The following POFUT3 variants were observed in gnomAD, a reference collection of about 807,000 sequenced individuals.
POFUT3 encodes the protein protein O-fucosyltransferase 3.
At chr8:33,346,741 C>T in the POFUT3 span, among the ~76,000 whole-genome samples, 2 of 151,770 alleles carry the variant, frequency 1.3e-5, no homozygotes, top group Admixed American at 1.3e-4. Flanking sequence ...ATAGAGAATG[C>T]AAAGAAAGAC....
the POFUT3 span, among the ~76,000 whole-genome samples, chr8:33,361,874 G>A: frequency 6.6e-6 from 1 of 151,968 alleles, no homozygotes; most frequent in Non-Finnish European, 1.5e-5. Context: ...ATCGATAGCT[G>A]TGGTTATCTT....
chr8:33,417,154 T>C, the POFUT3 span, among the ~76,000 whole-genome samples: 4 of 152,164 alleles, frequency 2.6e-5, no homozygotes, highest in African/African-American at 9.6e-5. Context: ...AACCCTACTG[T>C]GAACTGCGCA....
At chr8:33,354,868 C>T in the POFUT3 span, among the ~76,000 whole-genome samples, 2 of 152,188 alleles carry the variant, frequency 1.3e-5, no homozygotes, top group African/African-American at 2.4e-5. Flanking sequence ...GGGATGACAT[C>T]ATACGCTATT....
the POFUT3 span, among the ~76,000 whole-genome samples, chr8:33,408,715 T>C: frequency 3.3e-5 from 5 of 152,094 alleles, no homozygotes; most frequent in Non-Finnish European, 7.4e-5. Flanking sequence ...TAGTGTGCAA[T>C]TCAATTTATA....
the POFUT3 span, among the ~76,000 whole-genome samples, chr8:33,413,495 T>C: frequency 6.6e-6 from 1 of 152,158 alleles, no homozygotes; most frequent in Non-Finnish European, 1.5e-5. Context: ...GACTGGACTA[T>C]CCCTACCTCC....
chr8:33,309,685 C>T, the POFUT3 span, among the ~76,000 whole-genome samples: 1 of 152,070 alleles, frequency 6.6e-6, no homozygotes, highest in South Asian at 2.1e-4. Flanking sequence ...TTCCCAGGCG[C>T]TTAGTCAGTA....
the POFUT3 span, among the ~76,000 whole-genome samples, chr8:33,432,567 T>C: frequency 6.6e-6 from 1 of 152,226 alleles, no homozygotes; most frequent in African/African-American, 2.4e-5. Flanking sequence ...AGATTGGTTA[T>C]GTGAATTGTT....
At chr8:33,446,225 G>A in the POFUT3 span, among the ~76,000 whole-genome samples, 1 of 152,126 alleles carries the variant, frequency 6.6e-6, no homozygotes, top group Non-Finnish European at 1.5e-5. Context: ...GGGAGGCCGA[G>A]GTGGGTGGAT....
At chr8:33,371,046 T>C in the POFUT3 span, 1 of 152,200 alleles carries the variant, frequency 6.6e-6, no homozygotes, top group Admixed American at 6.5e-5. Context: ...TCTACAAAAT[T>C]AAATTTCTTA....
the POFUT3 span, among the ~76,000 whole-genome samples, chr8:33,469,219 T>C: frequency 2.6e-5 from 4 of 151,930 alleles, no homozygotes; most frequent in African/African-American, 9.7e-5. Flanking sequence ...GGCAGGAGAA[T>C]GGCATGAACC....
the POFUT3 span, among the ~76,000 whole-genome samples, chr8:33,435,212 TTTTAA>T: frequency 6.8e-6 from 1 of 146,418 alleles, no homozygotes; most frequent in Non-Finnish European, 1.5e-5. Context: ...TTTATTTAGT[TTTTAA>T]TTTAATTTTT....
the POFUT3 span, among the ~76,000 whole-genome samples, chr8:33,352,232 C>T: frequency 7.2e-5 from 11 of 152,252 alleles, no homozygotes; most frequent in South Asian, 2.3e-3. Flanking sequence ...AAAGCAAAAC[C>T]ACCTTATGAG....
At chr8:33,439,461 G>C in the POFUT3 span, among the ~76,000 whole-genome samples, 1 of 152,132 alleles carries the variant, frequency 6.6e-6, no homozygotes, top group Admixed American at 6.6e-5. Context: ...TGTTCTCCGT[G>C]GGAAAGTCAG....
At chr8:33,388,958 CTTACCTT>C in the POFUT3 span, 2 of 1,612,722 alleles carry the variant, frequency 1.2e-6, no homozygotes, top group Non-Finnish European at 1.7e-6. Flanking sequence ...CTTTGATTTG[CTTACCTT>C]TTCCTGAAGC....
chr8:33,345,800 G>T, the POFUT3 span, among the ~76,000 whole-genome samples: 75 of 151,514 alleles, frequency 5.0e-4, no homozygotes, highest in African/African-American at 1.7e-3. Context: ...AGACAGTAAA[G>T]CAGCTACAGA....
the POFUT3 span, among the ~76,000 whole-genome samples, chr8:33,321,232 C>T: frequency 6.6e-6 from 1 of 152,024 alleles, no homozygotes; most frequent in East Asian, 1.9e-4. Context: ...TTGGCTATTA[C>T]TACATAAAAA....
chr8:33,428,862 C>T, the POFUT3 span, among the ~76,000 whole-genome samples: 3 of 152,188 alleles, frequency 2.0e-5, no homozygotes, highest in African/African-American at 7.2e-5. Flanking sequence ...TTTCCCAGCC[C>T]CCAGAACCAT....
At chr8:33,324,375 G>A in the POFUT3 span, among the ~76,000 whole-genome samples, 1 of 152,128 alleles carries the variant, frequency 6.6e-6, no homozygotes, top group Admixed American at 6.6e-5. Flanking sequence ...CCTCGATATT[G>A]TAATAGAACA....
the POFUT3 span, among the ~76,000 whole-genome samples, chr8:33,340,187 A>G: frequency 2.6e-5 from 4 of 152,134 alleles, no homozygotes; most frequent in Non-Finnish European, 5.9e-5. Context: ...GTTCGTGTAT[A>G]TGTGATGTAA....
Sources: allele counts gnomAD v4.1 joint callset (sites outside exome capture counted in the v4.1 genomes callset), GRCh38; gene constraint gnomAD v4.1.1; transcripts MANE v1.5; gene names NCBI Gene and HGNC (gene_info 2026-07-23, HGNC 2026-07-21).